UNC5C: variants seen among roughly 807,000 people sequenced by gnomAD.
UNC5C encodes netrin receptor UNC5C.
A neutral mutation model predicts 99.8 loss-of-function variants in UNC5C; 47 were observed. That is an observed-to-expected ratio of 0.47 (90% CI 0.37 to 0.60). UNC5C has a LOEUF of 0.60. Ranked by LOEUF, UNC5C falls within the 20% of genes least tolerant of loss-of-function variation. UNC5C has a pLI of 0.00. For missense variants in UNC5C, 1,062 were observed against 1,165.9 expected, an observed-to-expected ratio of 0.91 and a Z score of 1.30; for synonymous variants, 487 against 452.2, an observed-to-expected ratio of 1.08 and a Z score of -0.98.
At chr4:95,195,510 A>G (rs1466660276) in intron 12 of UNC5C, among the ~76,000 whole-genome samples, 2 of 152,194 alleles carry the variant, frequency 1.3e-5, no homozygotes, top group Admixed American at 1.3e-4. Context: ...TATGGATACT[A>G]GGATAATTCC....
intron 1 of UNC5C, among the ~76,000 whole-genome samples, chr4:95,394,651 C>CTGTGTGTGTGTGTGTGTGTGTGTGTG (rs10527279): frequency 0.011 from 1,594 of 147,670 alleles, 45 homozygotes; most frequent in African/African-American, 0.037. Flanking sequence ...AAGGTATTTG[C>CTGTGTGTGTGTGTGTGTGTGTGTGTG]TGTGTGTGTG....
At chr4:95,272,796 A>G (rs903148054) in intron 4 of UNC5C, among the ~76,000 whole-genome samples, 13 of 152,248 alleles carry the variant, frequency 8.5e-5, no homozygotes, top group Non-Finnish European at 1.8e-4. Context: ...ACCAGTATTC[A>G]GATTCTTCTT....
Position 95,219,284 on chromosome 4 carries a change from A to G in UNC5C, c.1330T>C (p.Ser444Pro). 2 of 1,614,032 alleles carry G rather than the reference A, an allele frequency of 1.2e-6. No individual in the cohort carries two copies. Among genetic ancestry groups the G allele is most frequent in the South Asian group, 1.1e-5 (1 of 91,082 alleles). The change falls in exon 9 of 16, where the codon TCA becomes CCA. Residue 444 changes from serine to proline, a missense_variant. Ser to Pro is a moderately conservative substitution (Grantham distance 74, BLOSUM62 -1). Around this residue, in one of 3 missense-constraint regions of UNC5C, gnomAD observed 810 missense variants for 854.5 expected, o/e 0.95. Coordinates refer to ENST00000453304, the MANE Select transcript of UNC5C (RefSeq NM_003728.4). ...GGTCCTCTGTACATGGCTGCAGCTG[A>G]CGTGAGGTCTGGGGGTACAGCCAGC... ...DLLAVPPDLT[S>P]AAAMYRGPVY...
chr4:95,356,368 A>G (rs1744205003), intron 1 of UNC5C, among the ~76,000 whole-genome samples: 1 of 152,120 alleles, frequency 6.6e-6, no homozygotes, highest in Non-Finnish European at 1.5e-5. Context: ...CTCCCTATGT[A>G]GAAATTCCAG....
chr4:95,520,637 C>T (rs1011795924), intron 1 of UNC5C, among the ~76,000 whole-genome samples: 1 of 145,258 alleles, frequency 6.9e-6, no homozygotes. Context: ...CTCCCTCTGT[C>T]GCCCAGGCTG....
In UNC5C at chr4:95,539,250, C is replaced by T. The variant is rs181228036; in HGVS notation, c.124+9484G>A. On this transcript the variant is annotated intron_variant, in intron 1 of 15. Coordinates refer to ENST00000453304, the MANE Select transcript of UNC5C (RefSeq NM_003728.4). ...CTTTGGTCAACAAATTATAGTCCACCGTGTAGGAAAACAACAGCAGTTCTC... is the reference window on the plus strand; with the variant it reads ...CTTTGGTCAACAAATTATAGTCCACTGTGTAGGAAAACAACAGCAGTTCTC... Among the ~76,000 whole-genome samples the T allele has an allele frequency of 6.6e-5, 10 of 152,254 alleles. No individual in the cohort carries two copies. In the East Asian group the frequency reaches 9.7e-4, roughly 15 times the overall value.
At chr4:95,378,128 G>A (rs1744953155) in intron 1 of UNC5C, among the ~76,000 whole-genome samples, 1 of 152,134 alleles carries the variant, frequency 6.6e-6, no homozygotes, top group Non-Finnish European at 1.5e-5. Flanking sequence ...TATATAGAGA[G>A]AGTATCCTTT....
At chr4:95,184,216 T>G (rs919663413) in intron 13 of UNC5C, among the ~76,000 whole-genome samples, 2 of 152,144 alleles carry the variant, frequency 1.3e-5, no homozygotes, top group Non-Finnish European at 2.9e-5. Flanking sequence ...AACAAACCAG[T>G]AGGCTTGTTT....
At chr4:95,406,492 T>C (rs540146256) in intron 1 of UNC5C, among the ~76,000 whole-genome samples, 45 of 152,328 alleles carry the variant, frequency 3.0e-4, no homozygotes, top group African/African-American at 9.4e-4. Context: ...TTCTCTAAAA[T>C]GAAACCTGAC....
At chr4:95,303,488 C>T (rs999114417) in intron 2 of UNC5C, among the ~76,000 whole-genome samples, 4 of 152,180 alleles carry the variant, frequency 2.6e-5, no homozygotes, top group Non-Finnish European at 5.9e-5. Flanking sequence ...CTAGTCTTGC[C>T]AACATGGTGA....
In UNC5C at chr4:95,182,943, A is replaced by G; in HGVS notation, c.2405T>C (p.Val802Ala). 6.2e-7 allele frequency: 1 copy of G among 1,613,862 alleles called. No homozygotes were observed. The highest frequency in any genetic ancestry group is 8.5e-7 in the Non-Finnish European group (1 of 1,179,866). Residue 802 changes from valine to alanine, a missense_variant, in exon 14 of 16, where the codon GTG (valine) becomes GCG (alanine). This residue lies in a region of UNC5C where 810 missense variants were observed against 854.5 expected (regional missense o/e 0.95). Coordinates refer to ENST00000453304, the MANE Select transcript of UNC5C (RefSeq NM_003728.4). ...CTGGAAGATCTGCCCTTCTCCTTCC[A>G]CCTGCCGCACACAGAGTTTGCAAAC... ...ELVCKLCVRQ[V>A]EGEGQIFQLN...
intron 4 of UNC5C, among the ~76,000 whole-genome samples, chr4:95,274,592 G>C (rs947819810): frequency 2.6e-5 from 4 of 151,266 alleles, no homozygotes; most frequent in South Asian, 4.2e-4. Flanking sequence ...GACTTACTTT[G>C]TCACACTCTT....
chr4:95,169,447 C>G (rs543898207), intron 15 of UNC5C, 48 bp from the exon 16 acceptor site: 1 of 1,591,820 alleles, frequency 6.3e-7, no homozygotes, highest in Non-Finnish European at 8.6e-7. Context: ...ACTTACATAT[C>G]TATTTTTCCT....
At chr4:95,526,659 C>CA (rs1203984709) in intron 1 of UNC5C, among the ~76,000 whole-genome samples, 1 of 151,556 alleles carries the variant, frequency 6.6e-6, no homozygotes, top group Non-Finnish European at 1.5e-5. Context: ...ATAATCACCA[C>CA]AAAAAACTAT....
chr4:95,246,103 C>T (rs1739494370), intron 5 of UNC5C, among the ~76,000 whole-genome samples: 1 of 152,080 alleles, frequency 6.6e-6, no homozygotes, highest in Non-Finnish European at 1.5e-5. Context: ...GTTATATTTA[C>T]AGACAGAAAC....
At chr4:95,183,089 A>G in intron 13 of UNC5C, 28 bp from the exon 14 acceptor site, 2 of 1,583,494 alleles carry the variant, frequency 1.3e-6, no homozygotes, top group Non-Finnish European at 1.7e-6. Context: ...GTTAACCACA[A>G]TTGAAGGACT....
chr4:95,422,614 C>T (rs954358599), intron 1 of UNC5C, among the ~76,000 whole-genome samples: 2 of 152,166 alleles, frequency 1.3e-5, no homozygotes, highest in African/African-American at 2.4e-5. Context: ...CATCCGTCGC[C>T]TCAACCTTCT....
chr4:95,464,287 A>G (rs895406808), intron 1 of UNC5C, among the ~76,000 whole-genome samples: 5 of 152,206 alleles, frequency 3.3e-5, no homozygotes, highest in African/African-American at 1.2e-4. Flanking sequence ...AGGAGTTGGA[A>G]CAAGAGCATC....
intron 1 of UNC5C, among the ~76,000 whole-genome samples, chr4:95,388,494 A>T (rs965016199): frequency 2.6e-5 from 4 of 152,162 alleles, no homozygotes; most frequent in Admixed American, 1.3e-4. Flanking sequence ...CAAACCGGGG[A>T]TGAGGCCACT....
Sources: gnomAD v4.1 joint callset for allele counts (sites outside exome capture counted in the v4.1 genomes callset) on GRCh38, gnomAD v4.1.1 for gene constraint, gnomAD v4.1.1 regional missense constraint, MANE v1.5 for transcripts, NCBI Gene and HGNC (gene_info 2026-07-23, HGNC 2026-07-21) for gene names.